The following CADM2 variants were observed in gnomAD, a reference collection of about 807,000 sequenced individuals.
CADM2 encodes the protein immunoglobulin superfamily member 4D.
Under a neutral mutation model 49.8 loss-of-function variants are expected in CADM2, and 12 were observed. The ratio of observed to expected loss-of-function variants is 0.24; its 90% confidence interval spans 0.15 to 0.39. The LOEUF (loss-of-function observed/expected upper bound fraction) is 0.39. Among genes scored for constraint, CADM2 ranks in the 10% least tolerant of loss-of-function variants. The probability of loss-of-function intolerance (pLI) is 1.00; values close to 1 mark genes in which losing one functional copy is unlikely to be tolerated. For missense variants in CADM2, 378 were observed against 492.3 expected, an observed-to-expected ratio of 0.77 and a Z score of 2.20; for synonymous variants, 214 against 175.4, an observed-to-expected ratio of 1.22 and a Z score of -1.74.
chr3:85,305,498 G>A (rs2044191945), intron 1 of CADM2, among the ~76,000 whole-genome samples: 1 of 151,564 alleles, frequency 6.6e-6, no homozygotes, highest in Non-Finnish European at 1.5e-5. Flanking sequence ...GCTTGAGAAA[G>A]TAAGTAATCC....
chr3:85,812,621 A>G (rs2072949213), intron 3 of CADM2, among the ~76,000 whole-genome samples: 1 of 152,130 alleles, frequency 6.6e-6, no homozygotes, highest in African/African-American at 2.4e-5. Context: ...ACATAGCTAT[A>G]CACATGCCAT....
At position 85,951,630 on chromosome 3, in the gene CADM2, A is replaced by C. The variant is rs1410307751; in HGVS notation, c.792-9839A>C. Among the ~76,000 whole-genome samples, 6 of 151,078 alleles carry C rather than the reference A, an allele frequency of 4.0e-5. No homozygotes were observed. The Admixed American group carries it at 4.0e-4, about 10-fold the overall frequency. ...TGACATTAATGATAATACATTGTGCATATTTCAACAGATTGGAAAACAACA... is the reference window on the plus strand; with the variant it reads ...TGACATTAATGATAATACATTGTGCCTATTTCAACAGATTGGAAAACAACA... On this transcript the variant is annotated intron_variant, in intron 7 of 9. Transcript: ENST00000383699.
intron 1 of CADM2, among the ~76,000 whole-genome samples, chr3:85,244,405 TC>T (rs1016494662): frequency 1.3e-5 from 2 of 152,122 alleles, no homozygotes; most frequent in African/African-American, 4.8e-5. Flanking sequence ...AATATGCAAA[TC>T]TTTCTATTTA....
At chr3:85,451,021 T>C in intron 1 of CADM2, among the ~76,000 whole-genome samples, 1 of 152,060 alleles carries the variant, frequency 6.6e-6, no homozygotes, top group East Asian at 1.9e-4. Context: ...TTTTGCGTCT[T>C]TTCATCATGT....
At chr3:85,982,996 T>G (rs1375120637) in intron 8 of CADM2, among the ~76,000 whole-genome samples, 2 of 151,734 alleles carry the variant, frequency 1.3e-5, no homozygotes, top group Non-Finnish European at 2.9e-5. Flanking sequence ...ATAGCATTTA[T>G]CTCCATATTT....
intron 3 of CADM2, among the ~76,000 whole-genome samples, chr3:85,862,807 G>T (rs1251530757): frequency 6.6e-6 from 1 of 152,118 alleles, no homozygotes; most frequent in Non-Finnish European, 1.5e-5. Context: ...AGTGATAGGT[G>T]GTGAATTTGA....
At chr3:85,043,010 C>T (rs1471824385) in intron 1 of CADM2, among the ~76,000 whole-genome samples, 1 of 152,028 alleles carries the variant, frequency 6.6e-6, no homozygotes, top group African/African-American at 2.4e-5. Context: ...AATGGTACTT[C>T]CATGAAGAAA....
intron 1 of CADM2, among the ~76,000 whole-genome samples, chr3:85,131,879 G>T (rs1227627902): frequency 7.5e-6 from 1 of 132,808 alleles, no homozygotes; most frequent in South Asian, 2.8e-4. Flanking sequence ...TTAACAATGT[G>T]GCTGTATAAA....
intron 1 of CADM2, among the ~76,000 whole-genome samples, chr3:85,033,243 G>T (rs1303841821): frequency 2.0e-5 from 3 of 152,100 alleles, no homozygotes; most frequent in African/African-American, 7.2e-5. Context: ...TAAAAATTGG[G>T]TTTATTCCCT....
At chr3:85,720,121 T>G (rs2067445693) in intron 1 of CADM2, among the ~76,000 whole-genome samples, 1 of 152,204 alleles carries the variant, frequency 6.6e-6, no homozygotes, top group Non-Finnish European at 1.5e-5. Flanking sequence ...TTTTCTGCCG[T>G]GAAATTTATT....
At chr3:85,768,608 A>G (rs1040811886) in intron 2 of CADM2, among the ~76,000 whole-genome samples, 1 of 148,838 alleles carries the variant, frequency 6.7e-6, no homozygotes, top group Admixed American at 6.7e-5. Context: ...ATAGTAAAAA[A>G]TCATAATTTA....
At chr3:85,239,867 C>G (rs1251080486) in intron 1 of CADM2, among the ~76,000 whole-genome samples, 1 of 151,258 alleles carries the variant, frequency 6.6e-6, no homozygotes, top group Admixed American at 6.6e-5. Context: ...TGGAGTTTAT[C>G]AGTGCACACT....
intron 1 of CADM2, among the ~76,000 whole-genome samples, chr3:85,610,485 A>G (rs909043652): frequency 1.3e-4 from 20 of 152,030 alleles, no homozygotes; most frequent in Admixed American, 1.1e-3. Flanking sequence ...ATCAATATTC[A>G]AAATGAATAA....
At chr3:85,991,386 T>C (rs1262559111) in intron 8 of CADM2, among the ~76,000 whole-genome samples, 1 of 152,196 alleles carries the variant, frequency 6.6e-6, no homozygotes, top group Non-Finnish European at 1.5e-5. Context: ...AGATAAAGTT[T>C]TGCCTCTTCT....
At chr3:85,885,851 C>CAAAAAA (rs34486931) in intron 4 of CADM2, among the ~76,000 whole-genome samples, 1 of 91,500 alleles carries the variant, frequency 1.1e-5, no homozygotes, top group Non-Finnish European at 2.1e-5. Context: ...GATCCTGTCT[C>CAAAAAA]AAAAAAAAAA....
chr3:85,226,433 A>G, intron 1 of CADM2, among the ~76,000 whole-genome samples: 1 of 152,006 alleles, frequency 6.6e-6, no homozygotes, highest in East Asian at 1.9e-4. Flanking sequence ...GTATTCTCTG[A>G]TGGTAGTTTG....
intron 3 of CADM2, among the ~76,000 whole-genome samples, chr3:85,828,252 G>C (rs190350971): frequency 1.3e-5 from 2 of 151,914 alleles, no homozygotes; most frequent in Non-Finnish European, 2.9e-5. Flanking sequence ...TCCCAAACAC[G>C]GGTAAAGCAG....
At chr3:85,601,762 T>TTAC (rs1278984746) in intron 1 of CADM2, among the ~76,000 whole-genome samples, 1 of 151,758 alleles carries the variant, frequency 6.6e-6, no homozygotes, top group Non-Finnish European at 1.5e-5. Context: ...TTGTGTTCAT[T>TTAC]TACTATGCAT....
chr3:85,735,570 T>C (rs2068099848), intron 2 of CADM2, among the ~76,000 whole-genome samples: 1 of 152,056 alleles, frequency 6.6e-6, no homozygotes. Context: ...ATTTGGTTGC[T>C]CTGGTGAAAA....
Sources: gnomAD v4.1 joint callset for allele counts (sites outside exome capture counted in the v4.1 genomes callset) on GRCh38, gnomAD v4.1.1 for gene constraint, MANE v1.5 for transcripts, NCBI Gene and HGNC (gene_info 2026-07-23, HGNC 2026-07-21) for gene names.